The following CAMTA1 variants were observed in gnomAD, a reference collection of about 807,000 sequenced individuals.
CAMTA1 encodes calmodulin-binding transcription activator 1.
A neutral mutation model predicts 170.9 loss-of-function variants in CAMTA1; 27 were observed. The observed-to-expected ratio is 0.16, with a 90% CI of 0.12 to 0.22. The LOEUF is 0.22. CAMTA1 is among the 10% of genes least tolerant of loss of function. CAMTA1 has a pLI of 1.00. For synonymous variants in CAMTA1, 833 were observed against 891.5 expected (o/e 0.93, Z 1.17); for missense variants, 1,619 against 2,217.2 (o/e 0.73, Z 5.42).
At chr1:7,579,188 G>T (rs575088992) in intron 6 of CAMTA1, among the ~76,000 whole-genome samples, 1 of 152,348 alleles carries the variant, frequency 6.6e-6, no homozygotes, top group Admixed American at 6.5e-5. Context: ...TGGCACCAAG[G>T]CTGCCCCTCC....
intron 5 of CAMTA1, among the ~76,000 whole-genome samples, chr1:7,264,156 T>C (rs1311815014): frequency 6.6e-6 from 1 of 152,124 alleles, no homozygotes; most frequent in East Asian, 1.9e-4. Flanking sequence ...AGAAAAGCAT[T>C]CCTCAAACTT....
intron 3 of CAMTA1, among the ~76,000 whole-genome samples, chr1:6,992,302 G>A (rs1030155449): frequency 2.3e-4 from 33 of 145,146 alleles, no homozygotes; most frequent in Admixed American, 2.3e-3. Flanking sequence ...GAACTCCTGG[G>A]CTCAAGTGAT....
chr1:6,893,461 G>GTTGTGATGC (rs1674987149), intron 3 of CAMTA1, among the ~76,000 whole-genome samples: 1 of 152,198 alleles, frequency 6.6e-6, no homozygotes, highest in Non-Finnish European at 1.5e-5. Flanking sequence ...GCCCTCTTCA[G>GTTGTGATGC]TTGTGATGCT....
At chr1:6,872,687 A>G (rs549916014) in intron 3 of CAMTA1, among the ~76,000 whole-genome samples, 1 of 152,360 alleles carries the variant, frequency 6.6e-6, no homozygotes, top group African/African-American at 2.4e-5. Flanking sequence ...TTCTTAATCT[A>G]AAGCAAAACA....
chr1:7,593,283 T>A (rs1270514194), intron 6 of CAMTA1, among the ~76,000 whole-genome samples: 5 of 152,174 alleles, frequency 3.3e-5, no homozygotes, highest in African/African-American at 1.2e-4. Context: ...CCAGGCATGA[T>A]TCTGGGTCTT....
intron 5 of CAMTA1, among the ~76,000 whole-genome samples, chr1:7,448,256 A>G (rs1241567125): frequency 6.6e-6 from 1 of 152,144 alleles, no homozygotes; most frequent in Non-Finnish European, 1.5e-5. Context: ...TCTCCCCTCC[A>G]GAATTCTGAT....
chr1:7,463,640 G>A lies in CAMTA1; in HGVS notation c.439-4190G>A, dbSNP rs748175391. 2.6e-5 allele frequency among the ~76,000 whole-genome samples: 4 copies of A among 152,210 alleles called. No individual in the cohort carries two copies. The highest frequency in any genetic ancestry group is 1.3e-4 in the Admixed American group (2 of 15,276). On this transcript the variant is annotated intron_variant, in intron 5 of 22. Transcript: ENST00000303635. The surrounding 1 kb of genome is among the most constrained non-coding windows in gnomAD (Gnocchi z 4.7). ...AGAGACACAGAGAGGCAAGGAGAGA[G>A]AGACAGATACAGAGATAGGAAGAGA...
At chr1:7,190,241 C>T (rs1654254643) in intron 4 of CAMTA1, among the ~76,000 whole-genome samples, 1 of 152,000 alleles carries the variant, frequency 6.6e-6, no homozygotes, top group Non-Finnish European at 1.5e-5. Context: ...AGAACTTACT[C>T]ACGTAACCAA....
In CAMTA1 at chr1:7,349,078, C is replaced by A. The variant is rs538456080; in HGVS notation, c.438+99452C>A. On this transcript the variant is annotated intron_variant, in intron 5 of 22. Coordinates refer to ENST00000303635, the MANE Select transcript of CAMTA1 (RefSeq NM_015215.4). ...TCCATCCCAGGGCATATTGTGTCCC[C>A]GTGCTATGGGCTTAAGACGGCAAAT... Among the ~76,000 whole-genome samples, 24 of 152,240 alleles carry A rather than the reference C, an allele frequency of 1.6e-4. No homozygotes were observed. The South Asian group carries it at 2.1e-3, about 13-fold the overall frequency.
intron 6 of CAMTA1, among the ~76,000 whole-genome samples, chr1:7,498,462 A>T: frequency 6.8e-6 from 1 of 147,908 alleles, no homozygotes; most frequent in East Asian, 2.1e-4. Context: ...TGTGCATGAC[A>T]GTGTGTGTGG....
intron 4 of CAMTA1, among the ~76,000 whole-genome samples, chr1:7,120,863 G>A (rs1472159445): frequency 6.6e-6 from 1 of 152,176 alleles, no homozygotes; most frequent in African/African-American, 2.4e-5. Context: ...ATGTTATCAG[G>A]GATGGAATTA....
intron 5 of CAMTA1, among the ~76,000 whole-genome samples, chr1:7,361,783 C>T (rs1012914144): frequency 6.6e-6 from 1 of 152,178 alleles, no homozygotes; most frequent in African/African-American, 2.4e-5. Flanking sequence ...TATCCCGACT[C>T]ATCTGTTTAG....
chr1:6,806,749 A>G (rs772105739), intron 1 of CAMTA1, among the ~76,000 whole-genome samples: 2 of 152,222 alleles, frequency 1.3e-5, no homozygotes, highest in Admixed American at 6.5e-5. Context: ...GTTAATATAC[A>G]TTCTGGTTAA....
chr1:7,015,318 C>T (rs954385640), intron 3 of CAMTA1, among the ~76,000 whole-genome samples: 4 of 152,146 alleles, frequency 2.6e-5, no homozygotes, highest in Admixed American at 1.3e-4. Flanking sequence ...ACAGACTCAC[C>T]GCTTCCAGTG....
intron 4 of CAMTA1, among the ~76,000 whole-genome samples, chr1:7,159,161 A>ATATT (rs1647060393): frequency 6.6e-6 from 1 of 152,002 alleles, no homozygotes; most frequent in Admixed American, 6.6e-5. Flanking sequence ...TAGGCTTTAA[A>ATATT]TGGTTTGGGC....
chr1:7,457,853 G>T, intron 5 of CAMTA1, among the ~76,000 whole-genome samples: 1 of 152,246 alleles, frequency 6.6e-6, no homozygotes, highest in South Asian at 2.1e-4. Flanking sequence ...CCCACCTGGC[G>T]GGTCTTCTTG....
At chr1:6,841,922 A>C (rs1281264147) in intron 3 of CAMTA1, among the ~76,000 whole-genome samples, 1 of 152,176 alleles carries the variant, frequency 6.6e-6, no homozygotes, top group African/African-American at 2.4e-5. Context: ...AGCCCACCTC[A>C]GATGCTGTCA....
chr1:7,155,514 CTT>C (rs555539179), intron 4 of CAMTA1, among the ~76,000 whole-genome samples: 11 of 139,234 alleles, frequency 7.9e-5, no homozygotes, highest in Admixed American at 1.4e-4. Context: ...GGCATGAGGT[CTT>C]TTTTTTTTTT....
intron 3 of CAMTA1, among the ~76,000 whole-genome samples, chr1:6,956,973 C>G (rs1689567353): frequency 6.6e-6 from 1 of 152,202 alleles, no homozygotes; most frequent in Admixed American, 6.5e-5. Context: ...CCCAGCTGAG[C>G]TGCTGCAGTC....
Sources: allele counts gnomAD v4.1 joint callset (sites outside exome capture counted in the v4.1 genomes callset), GRCh38; gene constraint gnomAD v4.1.1; non-coding constraint Gnocchi (gnomAD v3.1); transcripts MANE v1.5; gene names NCBI Gene and HGNC (gene_info 2026-07-23, HGNC 2026-07-21).